The following SMOC1 variants were observed in gnomAD, a reference collection of about 807,000 sequenced individuals.
SMOC1 encodes SPARC-related modular calcium-binding protein 1.
Under a neutral mutation model 56.3 loss-of-function variants are expected in SMOC1, and 22 were observed. That is an observed-to-expected ratio of 0.39 (90% CI 0.28 to 0.56). The LOEUF is 0.56. Among genes scored for constraint, SMOC1 ranks in the 20% least tolerant of loss-of-function variants. SMOC1 has a pLI of 0.61. For missense variants in SMOC1, 509 were observed against 565.4 expected (o/e 0.90, Z 1.01); for synonymous variants, 193 against 215.0 (o/e 0.90, Z 0.89).
At chr14:69,971,403 T>C (rs903064016) in intron 3 of SMOC1, among the ~76,000 whole-genome samples, 2 of 152,186 alleles carry the variant, frequency 1.3e-5, no homozygotes, top group Admixed American at 6.5e-5. Flanking sequence ...ACACTTTTTG[T>C]CCCTTAAGGA....
At chr14:70,011,451 C>A in intron 8 of SMOC1, 34 bp from the exon 9 acceptor site, 5 of 1,395,958 alleles carry the variant, frequency 3.6e-6, no homozygotes, top group South Asian at 2.3e-5. Flanking sequence ...GTTGCCAGCC[C>A]CTCCCAACCC....
At chr14:70,019,771 C>G (rs1386718906) in intron 10 of SMOC1, among the ~76,000 whole-genome samples, 1 of 152,152 alleles carries the variant, frequency 6.6e-6, no homozygotes, top group Non-Finnish European at 1.5e-5. Flanking sequence ...CCAGCACTCC[C>G]CCAGGAAAAA....
chr14:69,948,839 T>G (rs543397268), intron 1 of SMOC1, among the ~76,000 whole-genome samples: 6 of 152,240 alleles, frequency 3.9e-5, no homozygotes, highest in Non-Finnish European at 8.8e-5. Context: ...ATGAGAAAAC[T>G]AAAAGCCCAG....
chr14:69,944,012 A>G (rs566385740), intron 1 of SMOC1, among the ~76,000 whole-genome samples: 1 of 152,288 alleles, frequency 6.6e-6, no homozygotes, highest in Non-Finnish European at 1.5e-5. Context: ...GTGCTCTACC[A>G]CTTACTGACT....
chr14:70,026,145 C>T (rs566771851), intron 11 of SMOC1, among the ~76,000 whole-genome samples: 28 of 152,188 alleles, frequency 1.8e-4, no homozygotes, highest in African/African-American at 6.0e-4. Context: ...TTGCCCCTTC[C>T]GGTGACATTA....
At chr14:69,978,006 A>C (rs1381271281) in intron 5 of SMOC1, 41 bp downstream of exon 5, 17 of 1,550,326 alleles carry the variant, frequency 1.1e-5, no homozygotes. Flanking sequence ...TTTGCTTCCA[A>C]AGGTGGTCCA....
At chr14:69,932,317 A>G (rs1420448908) in intron 1 of SMOC1, among the ~76,000 whole-genome samples, 1 of 152,226 alleles carries the variant, frequency 6.6e-6, no homozygotes, top group South Asian at 2.1e-4. Context: ...GTTTTGCTGT[A>G]GAATGCACGA....
intron 5 of SMOC1, among the ~76,000 whole-genome samples, chr14:69,991,955 C>T (rs1398584615): frequency 6.6e-6 from 1 of 152,108 alleles, no homozygotes; most frequent in Middle Eastern, 3.2e-3. Flanking sequence ...GCTCTTTAAT[C>T]AGGGCCACTG....
intron 1 of SMOC1, among the ~76,000 whole-genome samples, chr14:69,883,265 C>A (rs1260547411): frequency 6.6e-6 from 1 of 151,934 alleles, no homozygotes; most frequent in Non-Finnish European, 1.5e-5. Context: ...ACCCTTTGAC[C>A]AACCTCTCTC....
chr14:69,930,086 G>A (rs1885119531), intron 1 of SMOC1, among the ~76,000 whole-genome samples: 1 of 147,106 alleles, frequency 6.8e-6, no homozygotes, highest in Non-Finnish European at 1.5e-5. Context: ...GAATCCACAT[G>A]TGCTTCTGCT....
At chr14:69,991,595 G>C (rs1452719875) in intron 5 of SMOC1, among the ~76,000 whole-genome samples, 2 of 152,178 alleles carry the variant, frequency 1.3e-5, no homozygotes, top group Non-Finnish European at 2.9e-5. Context: ...ACCTGCAGAG[G>C]TTCTTGCTGT....
Position 69,949,277 on chromosome 14 carries a change from G to T in SMOC1, c.100-2861G>T, listed in dbSNP as rs1882908124. Among the ~76,000 whole-genome samples the T allele has an allele frequency of 3.9e-5, 6 of 152,164 alleles. No homozygotes were observed. In the South Asian group the frequency reaches 1.2e-3, roughly 32 times the overall value. ...AGGAGTGGCCCCAGCGATCCCTGGG[G>T]GTGGCAGGAGCCCGGAAAGCCAGGC... On this transcript the variant is annotated intron_variant, in intron 1 of 11. Transcript: ENST00000361956.
At chr14:69,933,641 T>C (rs1885224549) in intron 1 of SMOC1, among the ~76,000 whole-genome samples, 1 of 152,094 alleles carries the variant, frequency 6.6e-6, no homozygotes, top group Non-Finnish European at 1.5e-5. Flanking sequence ...GCGATTCTCA[T>C]GTCTCAGCTG....
chr14:70,011,182 T>C (rs1014174650), intron 8 of SMOC1, among the ~76,000 whole-genome samples: 7 of 152,172 alleles, frequency 4.6e-5, no homozygotes. Context: ...AACGTCAGTT[T>C]CCTGATGAGA....
intron 3 of SMOC1, among the ~76,000 whole-genome samples, chr14:69,972,955 C>T (rs1883826940): frequency 6.6e-6 from 1 of 152,228 alleles, no homozygotes; most frequent in South Asian, 2.1e-4. Flanking sequence ...GCACAGTCCT[C>T]ATGGAGACAG....
intron 1 of SMOC1, among the ~76,000 whole-genome samples, chr14:69,946,059 T>G (rs1882773141): frequency 6.6e-6 from 1 of 152,230 alleles, no homozygotes; most frequent in Admixed American, 6.5e-5. Context: ...GGCTGGCTCT[T>G]TTATTCCCTA....
chr14:69,885,354 T>C, intron 1 of SMOC1: 1 of 1,589,736 alleles, frequency 6.3e-7, no homozygotes, highest in Non-Finnish European at 8.5e-7. Context: ...CCCAGTTTAG[T>C]GGCAAGTTCT....
At chr14:69,933,119 G>T (rs1282472227) in intron 1 of SMOC1, among the ~76,000 whole-genome samples, 1 of 152,014 alleles carries the variant, frequency 6.6e-6, no homozygotes, top group East Asian at 1.9e-4. Flanking sequence ...GCAAGCGCAG[G>T]TGAAAAAGGG....
chr14:69,936,903 T>G (rs1885309282), intron 1 of SMOC1, among the ~76,000 whole-genome samples: 1 of 152,242 alleles, frequency 6.6e-6, no homozygotes, highest in Non-Finnish European at 1.5e-5. Flanking sequence ...GGGAGGAAGA[T>G]TACTTACATA....
Sources: allele counts gnomAD v4.1 joint callset (sites outside exome capture counted in the v4.1 genomes callset), GRCh38; gene constraint gnomAD v4.1.1; transcripts MANE v1.5; gene names NCBI Gene and HGNC (gene_info 2026-07-23, HGNC 2026-07-21).